Variants in KHDRBS3 observed in about 807,000 individuals in gnomAD.
KHDRBS3 encodes KH domain-containing, RNA-binding, signal transduction-associated protein 3.
A neutral mutation model predicts 45.6 loss-of-function variants in KHDRBS3; 23 were observed. The observed-to-expected ratio is 0.50, with a 90% CI of 0.36 to 0.72. The LOEUF (loss-of-function observed/expected upper bound fraction) is 0.72, where lower values mean the gene tolerates loss of function less well. Among genes scored for constraint, KHDRBS3 ranks in the 30% least tolerant of loss-of-function variants. KHDRBS3 has a pLI of 0.00. For missense variants in KHDRBS3, 352 were observed against 424.8 expected, an observed-to-expected ratio of 0.83 and a Z score of 1.51; for synonymous variants, 162 against 156.5, an observed-to-expected ratio of 1.04 and a Z score of -0.26.
At chr8:135,517,698 G>A (rs1586649082) in intron 1 of KHDRBS3, among the ~76,000 whole-genome samples, 1 of 152,216 alleles carries the variant, frequency 6.6e-6, no homozygotes, top group Non-Finnish European at 1.5e-5. Flanking sequence ...CAGCATTCAT[G>A]ATTTAAACCA....
chr8:135,651,301 T>TTATA (rs199522396), downstream of KHDRBS3, among the ~76,000 whole-genome samples: 1 of 149,408 alleles, frequency 6.7e-6, no homozygotes, highest in African/African-American at 2.5e-5. Flanking sequence ...ATATATATAT[T>TTATA]TATATATATA....
At chr8:135,624,478 T>C (rs1830274337) in intron 7 of KHDRBS3, among the ~76,000 whole-genome samples, 1 of 152,212 alleles carries the variant, frequency 6.6e-6, no homozygotes, top group South Asian at 2.1e-4. Context: ...ATAGAAATGC[T>C]TAATGAAAAC....
intron 2 of KHDRBS3, 111 bp downstream of exon 2, chr8:135,521,466 C>G: frequency 1.7e-6 from 1 of 594,696 alleles, no homozygotes; most frequent in East Asian, 2.9e-5. Flanking sequence ...TTAGCATCCC[C>G]CTACACACAC....
rs1563807058 is a variant in KHDRBS3, at chr8:135,614,275, A to T, written c.890+7238A>T. ...AGCTTCGGAATAGCTAGTATAGTGA[A>T]TCAAAACGAATGGGTGATAATGACC... is the stretch of plus-strand genomic sequence containing the variant. On this transcript the variant is annotated intron_variant, in intron 7 of 8. Coordinates refer to ENST00000355849, the MANE Select transcript of KHDRBS3 (RefSeq NM_006558.3). Among the ~76,000 whole-genome samples, 3 of 151,816 alleles carry T rather than the reference A, an allele frequency of 2.0e-5. No individual in the cohort carries two copies. In the South Asian group the frequency reaches 6.2e-4, roughly 31 times the overall value.
chr8:135,504,148 A>G (rs769529169), intron 1 of KHDRBS3, among the ~76,000 whole-genome samples: 7 of 152,010 alleles, frequency 4.6e-5, no homozygotes, highest in African/African-American at 9.7e-5. Context: ...GTATGTTTTT[A>G]TTAGTTTTTA....
intron 1 of KHDRBS3, among the ~76,000 whole-genome samples, chr8:135,469,590 G>T (rs931296796): frequency 6.8e-6 from 1 of 146,906 alleles, no homozygotes; most frequent in Non-Finnish European, 1.5e-5. Flanking sequence ...GTGCAATGGC[G>T]CGGTCTTGGC....
intron 6 of KHDRBS3, among the ~76,000 whole-genome samples, chr8:135,602,591 T>A (rs1003387491): frequency 9.9e-5 from 15 of 151,900 alleles, no homozygotes; most frequent in Non-Finnish European, 1.9e-4. Context: ...TTTTTTATAA[T>A]TCTAGTCATT....
chr8:135,633,534 A>G (rs533473417), intron 7 of KHDRBS3, among the ~76,000 whole-genome samples: 5 of 152,338 alleles, frequency 3.3e-5, no homozygotes, highest in African/African-American at 1.2e-4. Context: ...TAATGCCACA[A>G]TAAGGTTCAG....
At chr8:135,597,946 T>C (rs1829044964) in intron 6 of KHDRBS3, among the ~76,000 whole-genome samples, 1 of 152,248 alleles carries the variant, frequency 6.6e-6, no homozygotes, top group Non-Finnish European at 1.5e-5. Context: ...CAGTGTATTT[T>C]TCAGCACCTT....
At chr8:135,537,765 G>T (rs1326055934) in intron 2 of KHDRBS3, among the ~76,000 whole-genome samples, 1 of 152,124 alleles carries the variant, frequency 6.6e-6, no homozygotes, top group East Asian at 1.9e-4. Flanking sequence ...TTTGTAAAAT[G>T]ATAATTTCCA....
At chr8:135,545,221 T>C (rs1202239700) in intron 3 of KHDRBS3, among the ~76,000 whole-genome samples, 2 of 152,094 alleles carry the variant, frequency 1.3e-5, no homozygotes, top group African/African-American at 4.8e-5. Flanking sequence ...GCTCTCTTAT[T>C]CTCTGCATGT....
intron 6 of KHDRBS3, among the ~76,000 whole-genome samples, chr8:135,592,907 A>G (rs1300332890): frequency 1.3e-5 from 2 of 152,204 alleles, no homozygotes; most frequent in South Asian, 2.1e-4. Flanking sequence ...TAAGGGTCCA[A>G]AGTTATCTTG....
intron 6 of KHDRBS3, among the ~76,000 whole-genome samples, chr8:135,600,972 G>A (rs1424562393): frequency 6.6e-6 from 1 of 152,214 alleles, no homozygotes; most frequent in Non-Finnish European, 1.5e-5. Context: ...CAAAGTGCTA[G>A]GATTAGTAAA....
chr8:135,536,986 A>G (rs988139429), intron 2 of KHDRBS3, among the ~76,000 whole-genome samples: 7 of 47,862 alleles, frequency 1.5e-4, no homozygotes, highest in Non-Finnish European at 2.3e-4. Context: ...AAAAAAAAAA[A>G]AAAAAAAAAA....
chr8:135,476,553 A>G (rs1822297930), intron 1 of KHDRBS3, among the ~76,000 whole-genome samples: 1 of 152,186 alleles, frequency 6.6e-6, no homozygotes, highest in Non-Finnish European at 1.5e-5. Context: ...AATGGAAATC[A>G]TTATCCTTGC....
At chr8:135,630,860 G>A (rs937036547) in intron 7 of KHDRBS3, among the ~76,000 whole-genome samples, 91 of 152,340 alleles carry the variant, frequency 6.0e-4, no homozygotes, top group African/African-American at 2.1e-3. Context: ...GAGTGAGTGA[G>A]TGGGTGGTGA....
At chr8:135,483,452 G>A (rs529594013) in intron 1 of KHDRBS3, among the ~76,000 whole-genome samples, 115 of 152,272 alleles carry the variant, frequency 7.6e-4, no homozygotes, top group African/African-American at 2.4e-3. Context: ...GTAAGATGTT[G>A]TCATGGTGGC....
chr8:135,458,131 A>G (rs1821212988), intron 1 of KHDRBS3, 177 bp downstream of exon 1: 6 of 1,376,286 alleles, frequency 4.4e-6, no homozygotes, highest in East Asian at 3.0e-5. Flanking sequence ...CACCTAGGGG[A>G]AGACCCTGAT....
At chr8:135,573,925 G>A (rs1278719956) in intron 5 of KHDRBS3, among the ~76,000 whole-genome samples, 1 of 152,056 alleles carries the variant, frequency 6.6e-6, no homozygotes, top group Non-Finnish European at 1.5e-5. Context: ...CAGATGTGTT[G>A]TCTTTTTGCT....
Sources: gnomAD v4.1 joint callset for allele counts (sites outside exome capture counted in the v4.1 genomes callset) on GRCh38, gnomAD v4.1.1 for gene constraint, MANE v1.5 for transcripts, NCBI Gene and HGNC (gene_info 2026-07-23, HGNC 2026-07-21) for gene names.